Variants in PPARGC1A observed in about 807,000 individuals in gnomAD.
PPARGC1A encodes PPARG coactivator 1 alpha, also known as peroxisome proliferator-activated receptor gamma coactivator 1-alpha.
PPARGC1A carries 25 observed loss-of-function variants against 88.7 expected under a neutral mutation model. The ratio of observed to expected loss-of-function variants is 0.28; its 90% CI spans 0.21 to 0.39. The LOEUF (loss-of-function observed/expected upper bound fraction) is 0.39, where lower values mean the gene tolerates loss of function less well. Among genes scored for constraint, PPARGC1A ranks in the 10% least tolerant of loss-of-function variants. PPARGC1A has a pLI of 1.00. For missense variants in PPARGC1A, 880 were observed against 968.7 expected (o/e 0.91, Z 1.22); for synonymous variants, 363 against 355.6 (o/e 1.02, Z -0.24).
chr4:24,309,770 A>T, the PPARGC1A span, among the ~76,000 whole-genome samples: 1 of 152,100 alleles, frequency 6.6e-6, no homozygotes, highest in African/African-American at 2.4e-5. Context: ...TATATTTGAA[A>T]AACACCCTGG....
intron 8 of PPARGC1A, among the ~76,000 whole-genome samples, chr4:23,813,462 C>T (rs1051890473): frequency 5.9e-5 from 9 of 152,090 alleles, no homozygotes; most frequent in African/African-American, 2.2e-4. Context: ...TAACAAATTG[C>T]TCTCTCTGAT....
the PPARGC1A span, among the ~76,000 whole-genome samples, chr4:24,253,194 G>A: frequency 3.9e-5 from 6 of 152,234 alleles, no homozygotes; most frequent in Non-Finnish European, 5.9e-5. Context: ...TATGTTAATA[G>A]TCTAAAAACA....
the PPARGC1A span, among the ~76,000 whole-genome samples, chr4:24,144,569 T>C: frequency 6.6e-6 from 1 of 152,060 alleles, no homozygotes; most frequent in African/African-American, 2.4e-5. Context: ...GGGATGACAC[T>C]GATCCCTGCT....
At chr4:23,824,053 CCTAA>C (rs1723469539) in intron 7 of PPARGC1A, among the ~76,000 whole-genome samples, 1 of 151,836 alleles carries the variant, frequency 6.6e-6, no homozygotes, top group African/African-American at 2.4e-5. Context: ...CAGAAGTTTG[CCTAA>C]GAGCTCTTCA....
At chr4:24,286,638 C>T in the PPARGC1A span, among the ~76,000 whole-genome samples, 4 of 152,312 alleles carry the variant, frequency 2.6e-5, no homozygotes, top group East Asian at 7.7e-4. Context: ...CAGATGCCAT[C>T]GTTGAATCTC....
At chr4:24,291,227 C>T in the PPARGC1A span, among the ~76,000 whole-genome samples, 2 of 152,144 alleles carry the variant, frequency 1.3e-5, no homozygotes, top group African/African-American at 4.8e-5. Flanking sequence ...AAATCCAAAC[C>T]TCTGGGCCTG....
chr4:24,220,989 GA>G, the PPARGC1A span, among the ~76,000 whole-genome samples: 1,076 of 150,200 alleles, frequency 7.2e-3, 33 homozygotes, highest in East Asian at 0.11. Flanking sequence ...AGATGGTGGG[GA>G]AAAAAAAATG....
chr4:23,844,656 A>C (rs1384520026), intron 2 of PPARGC1A, among the ~76,000 whole-genome samples: 1 of 98,852 alleles, frequency 1.0e-5, no homozygotes, highest in African/African-American at 4.3e-5. Flanking sequence ...ATTATATGAT[A>C]TATATCATAT....
At chr4:24,324,051 G>C in the PPARGC1A span, among the ~76,000 whole-genome samples, 7 of 152,222 alleles carry the variant, frequency 4.6e-5, no homozygotes, top group Non-Finnish European at 8.8e-5. Context: ...GTCACGGACT[G>C]GGAAGGCAGC....
chr4:24,220,969 TC>T, the PPARGC1A span, among the ~76,000 whole-genome samples: 2 of 151,986 alleles, frequency 1.3e-5, no homozygotes, highest in African/African-American at 4.8e-5. Flanking sequence ...CACCCACTCA[TC>T]CCGTAACAAG....
chr4:24,128,683 T>G, the PPARGC1A span, among the ~76,000 whole-genome samples: 1,780 of 152,224 alleles, frequency 0.012, 84 homozygotes, highest in Admixed American at 0.081. Flanking sequence ...TCTTAAAATT[T>G]TCCATGGTAT....
At chr4:23,840,737 A>G (rs74611645) in intron 2 of PPARGC1A, among the ~76,000 whole-genome samples, 1 of 152,152 alleles carries the variant, frequency 6.6e-6, no homozygotes, top group South Asian at 2.1e-4. Flanking sequence ...AATGGTAACT[A>G]AAGAGTCTAA....
At chr4:23,935,004 C>G in the PPARGC1A span, among the ~76,000 whole-genome samples, 140 of 152,320 alleles carry the variant, frequency 9.2e-4, no homozygotes, top group Non-Finnish European at 1.7e-3. Context: ...CCTACATGTA[C>G]TTGGGCAGAA....
the PPARGC1A span, among the ~76,000 whole-genome samples, chr4:24,419,678 T>G: frequency 6.6e-6 from 1 of 152,090 alleles, no homozygotes; most frequent in African/African-American, 2.4e-5. Context: ...TTTTATCTGC[T>G]GACTCTTCAA....
At chr4:24,136,912 G>A in the PPARGC1A span, among the ~76,000 whole-genome samples, 330 of 152,160 alleles carry the variant, frequency 2.2e-3, 2 homozygotes, top group African/African-American at 7.8e-3. Flanking sequence ...TCAGGAGTTT[G>A]AAACCAGCCT....
chr4:23,859,250 G>T (rs1280668512), intron 2 of PPARGC1A, among the ~76,000 whole-genome samples: 1 of 152,052 alleles, frequency 6.6e-6, no homozygotes, highest in Non-Finnish European at 1.5e-5. Context: ...CCCAAGTTAG[G>T]CCAAGACAAG....
chr4:23,801,593 C>G, intron 12 of PPARGC1A, 137 bp downstream of exon 12: 1 of 1,005,008 alleles, frequency 1.0e-6, no homozygotes, highest in African/African-American at 1.6e-5. Context: ...ATACGTTTTT[C>G]TTAAAAATCT....
intron 2 of PPARGC1A, among the ~76,000 whole-genome samples, chr4:23,834,769 T>C (rs370506938): frequency 6.6e-6 from 1 of 152,296 alleles, no homozygotes; most frequent in East Asian, 1.9e-4. Flanking sequence ...AGGATCATAA[T>C]CTGGTATCCA....
the PPARGC1A span, among the ~76,000 whole-genome samples, chr4:24,057,007 G>C: frequency 6.6e-6 from 1 of 152,126 alleles, no homozygotes; most frequent in Admixed American, 6.5e-5. Context: ...TTACACCTGT[G>C]TTTACAGCAA....
Sources: allele counts gnomAD v4.1 joint callset (sites outside exome capture counted in the v4.1 genomes callset), GRCh38; gene constraint gnomAD v4.1.1; transcripts MANE v1.5; gene names NCBI Gene and HGNC (gene_info 2026-07-23, HGNC 2026-07-21).